VWF: variants seen among roughly 807,000 people sequenced by gnomAD.
The protein encoded by VWF is Factor VIII related antigen.
Under a neutral mutation model 308.6 loss-of-function variants are expected in VWF, and 176 were observed. The observed-to-expected ratio is 0.57, with a 90% CI of 0.50 to 0.65. The LOEUF is 0.65. Among genes scored for constraint, VWF ranks in the 30% least tolerant of loss-of-function variants. VWF has a pLI of 0.00. For synonymous variants in VWF, 1,385 were observed against 1,443.4 expected, an observed-to-expected ratio of 0.96 and a Z score of 0.92; for missense variants, 3,146 against 3,648.2, an observed-to-expected ratio of 0.86 and a Z score of 3.55.
At chr12:5,951,541 G>T (rs1336317538) in intron 50 of VWF, among the ~76,000 whole-genome samples, 2 of 152,162 alleles carry the variant, frequency 1.3e-5, no homozygotes, top group African/African-American at 4.8e-5. Flanking sequence ...ATCCTATGAG[G>T]GAAAAGGCAC....
At chr12:5,949,757 C>T (rs752979585) in intron 51 of VWF, 29 bp downstream of exon 51, 32 of 1,609,516 alleles carry the variant, frequency 2.0e-5, no homozygotes, top group Non-Finnish European at 2.5e-5. Flanking sequence ...GCCCTCCACA[C>T]CCAGCCCTTA....
intron 6 of VWF, among the ~76,000 whole-genome samples, chr12:6,094,346 A>G (rs1167804291): frequency 1.3e-5 from 2 of 152,168 alleles, no homozygotes; most frequent in African/African-American, 2.4e-5. Flanking sequence ...GCAACTATAA[A>G]GTAGTTTTCC....
At chr12:5,991,165 T>TCACACA (rs1491373493) in intron 38 of VWF, among the ~76,000 whole-genome samples, 1 of 88,224 alleles carries the variant, frequency 1.1e-5, no homozygotes, top group African/African-American at 4.1e-5. Flanking sequence ...CCCAAGGGAT[T>TCACACA]CTCACACACA....
intron 42 of VWF, among the ~76,000 whole-genome samples, chr12:5,979,197 C>A (rs1413047048): frequency 6.6e-6 from 1 of 152,228 alleles, no homozygotes; most frequent in East Asian, 1.9e-4. Context: ...ACTTATTCTA[C>A]TTTGTCTAAA....
At chr12:6,031,608 C>T in intron 20 of VWF, 30 bp from the exon 21 acceptor site, 1 of 1,613,826 alleles carries the variant, frequency 6.2e-7, no homozygotes, top group Non-Finnish European at 8.5e-7. Context: ...AGGAGAAGAC[C>T]ATTATCCCCA....
chr12:6,007,921 C>T (rs1029347035), intron 34 of VWF, among the ~76,000 whole-genome samples: 4 of 152,058 alleles, frequency 2.6e-5, no homozygotes, highest in Non-Finnish European at 5.9e-5. Context: ...TGAACAACTA[C>T]ACACTAACAA....
At position 5,985,112 on chromosome 12, in the gene VWF, C is replaced by T. The variant is rs371531354; in HGVS notation, c.6909G>A (p.Thr2303=). The T allele has an allele frequency of 5.0e-5, 80 of 1,614,018 alleles. No homozygotes were observed. The highest frequency in any genetic ancestry group is 3.3e-4 in the Middle Eastern group (2 of 6,084). The change falls in exon 40 of 52, where the codon ACG becomes ACA. Residue 2303 remains threonine (T), a synonymous_variant. Transcript: ENST00000261405. ...GGCGGGCTACTTCACACAGGCCACA[C>T]GTGGGAGCTAGAGGAGAGGAACGGC... is the stretch of plus-strand genomic sequence containing the variant. The part of the protein sequence containing the change: ...TQPCPTAKAP[T]CGLCEVARLR...
chr12:6,062,639 G>A (rs1173878193), intron 13 of VWF, among the ~76,000 whole-genome samples: 1 of 152,118 alleles, frequency 6.6e-6, no homozygotes. Context: ...AGACACCCCT[G>A]CTCCCGGGCC....
At chr12:6,106,321 T>G (rs976869682) in intron 5 of VWF, among the ~76,000 whole-genome samples, 2 of 152,160 alleles carry the variant, frequency 1.3e-5, no homozygotes, top group Non-Finnish European at 2.9e-5. Flanking sequence ...TTATGCAAAG[T>G]GAAATAAGCC....
intron 5 of VWF, among the ~76,000 whole-genome samples, chr12:6,109,518 C>T (rs553825841): frequency 6.6e-6 from 1 of 152,262 alleles, no homozygotes; most frequent in Admixed American, 6.5e-5. Flanking sequence ...TGCATGTTTA[C>T]TCTCTAATCA....
chr12:6,108,018 G>C (rs71459993), intron 5 of VWF, among the ~76,000 whole-genome samples: 37 of 152,068 alleles, frequency 2.4e-4, no homozygotes, highest in Middle Eastern at 3.4e-3. Context: ...AGCAGGCCAG[G>C]CACGGTGACT....
At position 5,949,768 on chromosome 12, in the gene VWF, T is replaced by C; in HGVS notation, c.8253+18A>G. The C allele has an allele frequency of 1.9e-6, 3 of 1,613,398 alleles. No individual in the cohort carries two copies. The highest frequency in any genetic ancestry group is 1.7e-6 in the Non-Finnish European group (2 of 1,179,254). On this transcript the variant is annotated intron_variant, in intron 51 of 51. Transcript: ENST00000261405. ...CTCAGCCCTCCACACCCAGCCCTTA[T>C]TGAAGCAGAGCCCTTACCTGGCAGT...
chr12:6,055,761 T>C (rs11064013), intron 15 of VWF, among the ~76,000 whole-genome samples: 27,004 of 135,296 alleles, frequency 0.2, 3,428 homozygotes, highest in East Asian at 0.51. Context: ...TATATATGTA[T>C]ACACACACAC....
At chr12:6,006,723 G>C (rs367922611) in intron 34 of VWF, among the ~76,000 whole-genome samples, 1 of 152,150 alleles carries the variant, frequency 6.6e-6, no homozygotes, top group Admixed American at 6.5e-5. Flanking sequence ...AGGTTGCAGT[G>C]AGCCGAGATC....
chr12:6,023,687 G>A lies in VWF; in HGVS notation c.3323C>T (p.Ala1108Val), dbSNP rs913989558. ...ACFCDTIAAY[A>V]HVCAQHGKVV... ...CTTGCCATGCTGGGCACACACGTGG[G>A]CATAGGCAGCAATGGTGTCGCAGAA... Residue 1108 changes from alanine to valine, a missense_variant, in exon 25 of 52, where the codon GCC becomes GTC. Physicochemically the swap from Ala to Val is moderately conservative, Grantham distance 64. Transcript: ENST00000261405. 6.2e-7 allele frequency: 1 copy of A among 1,613,784 alleles called. No homozygotes were observed. The highest frequency in any genetic ancestry group is 1.3e-5 in the African/African-American group (1 of 74,940).
chr12:5,979,943 A>G (rs1168561725), intron 42 of VWF, among the ~76,000 whole-genome samples: 1 of 149,534 alleles, frequency 6.7e-6, no homozygotes, highest in Non-Finnish European at 1.5e-5. Flanking sequence ...CGGGAGGCTG[A>G]GGTAGGAGAA....
At chr12:5,980,977 A>G (rs765555526) in intron 42 of VWF, among the ~76,000 whole-genome samples, 8 of 152,222 alleles carry the variant, frequency 5.3e-5, no homozygotes, top group Non-Finnish European at 1.2e-4. Context: ...TCTTTCACCT[A>G]TAAGACTGCT....
intron 3 of VWF, among the ~76,000 whole-genome samples, chr12:6,111,357 G>C (rs542704216): frequency 6.6e-6 from 1 of 152,188 alleles, no homozygotes; most frequent in South Asian, 2.1e-4. Context: ...TGCTCTAGGA[G>C]AGTGTTATTT....
rs1172448656 is a variant in VWF at position 5,994,440 on chromosome 12, A to C, written c.6231T>G (p.Phe2077Leu). ...CACACAGACCATACGTCTTTGAAGC[A>C]AAAGTCTTGGGGCTGAGCTGCAGTT... ...EFQLQLSPKT[F>L]ASKTYGLCGI... is the part of the protein sequence containing the mutation. Residue 2077 changes from phenylalanine to leucine, a missense_variant, in exon 36 of 52, where the codon TTT becomes TTG. Transcript: ENST00000261405. The C allele has an allele frequency of 6.2e-7, 1 of 1,614,202 alleles. No individual in the cohort carries two copies.
Sources: allele counts gnomAD v4.1 joint callset (sites outside exome capture counted in the v4.1 genomes callset), GRCh38; gene constraint gnomAD v4.1.1; transcripts MANE v1.5; gene names NCBI Gene and HGNC (gene_info 2026-07-23, HGNC 2026-07-21).